Variants in ZMYM1 observed in about 807,000 individuals in gnomAD.
The protein encoded by ZMYM1 is zinc finger MYM-type containing 1.
Under a neutral mutation model 60.0 loss-of-function variants are expected in ZMYM1, and 39 were observed. The observed-to-expected ratio is 0.65, with a 90% confidence interval of 0.50 to 0.85. The LOEUF is 0.85. Among genes scored for constraint, ZMYM1 ranks in the 40% least tolerant of loss-of-function variants. The pLI, the probability that ZMYM1 is intolerant of heterozygous loss-of-function variation, is 0.00. For missense variants in ZMYM1, 1,171 were observed against 1,309.5 expected (o/e 0.89, Z 1.63); for synonymous variants, 413 against 454.0 (o/e 0.91, Z 1.15).
In ZMYM1 at chr1:35,110,346, A is replaced by T; in HGVS notation, c.860A>T (p.Asp287Val). ...CCTTGCAAACCATTGAAGCCCTCAG[A>T]TGAAATGATTGAGACTACGAGTGAT... Reference protein sequence around the residue: ...SVPCKPLKPSDEMIETTSDLG... With the variant: ...SVPCKPLKPSVEMIETTSDLG... Residue 287 changes from aspartate (D) to valine (V), a missense_variant, in exon 7 of 10, where the codon GAT becomes GTT. By Grantham distance (152) the Asp-to-Val change is radical. Transcript: ENST00000359858. 6.3e-7 allele frequency: 1 copy of T among 1,591,388 alleles called. No homozygotes were observed. Among genetic ancestry groups the T allele is most frequent in the Non-Finnish European group, 8.5e-7 (1 of 1,171,016 alleles).
chr1:35,112,002 TATATG>T, intron 8 of ZMYM1, 80 bp from the exon 9 acceptor site: 1 of 1,550,510 alleles, frequency 6.4e-7, no homozygotes, highest in East Asian at 2.3e-5. Flanking sequence ...TTTTGTTTCT[TATATG>T]AAATAAGCAA....
chr1:35,115,258 A>T lies in ZMYM1; in HGVS notation c.3428A>T (p.Ter1143LeuextTer5). ...TTTATCAGTCAGATGAAAGAAATAT[A>T]ATACATGCTCATTTGAACTTACCTA... ...EKFISQMKEI[*>L] is the part of the protein sequence containing the mutation. The change falls in exon 10 of 10, where the codon TAA (stop) becomes TTA (leucine). Residue 1143 changes from the stop codon to leucine (L), a stop_lost. Transcript: ENST00000359858. 2 of 1,572,246 alleles carry T rather than the reference A, an allele frequency of 1.3e-6. No homozygotes were observed. The highest frequency in any genetic ancestry group is 1.7e-6 in the Non-Finnish European group (2 of 1,165,474).
chr1:35,064,686 C>CTTTTTTTTT (rs34080777), intron 1 of ZMYM1, among the ~76,000 whole-genome samples: 1 of 113,004 alleles, frequency 8.8e-6, no homozygotes, highest in Non-Finnish European at 1.7e-5. Context: ...CAATATATTT[C>CTTTTTTTTT]TTTTTTTTTT....
Position 35,097,560 on chromosome 1 carries a change from G to T in ZMYM1, c.413G>T (p.Cys138Phe). Reference protein sequence around the residue: ...PVPSKRTCSNCSKDILNPKDV... With the variant: ...PVPSKRTCSNFSKDILNPKDV... ...CCTTCTAAGAGAACTTGTTCAAACT[G>T]CTCAAAGTATATAATTCTAAATTAT... is the stretch of plus-strand genomic sequence containing the variant. The change falls in exon 4 of 10, where the codon TGC (cysteine) becomes TTC (phenylalanine). Residue 138 changes from cysteine to phenylalanine, a missense_variant. Cys to Phe is a radical substitution (Grantham distance 205). Transcript: ENST00000359858. 1 of 1,614,102 alleles carries T rather than the reference G, an allele frequency of 6.2e-7. No individual in the cohort carries two copies. Among genetic ancestry groups the T allele is most frequent in the Non-Finnish European group, 8.5e-7 (1 of 1,179,950 alleles).
chr1:35,069,860 G>A (rs974746459), intron 1 of ZMYM1, among the ~76,000 whole-genome samples: 2 of 152,096 alleles, frequency 1.3e-5, no homozygotes, highest in African/African-American at 2.4e-5. Context: ...TACCCAATGT[G>A]TGCTCTTGGC....
intron 6 of ZMYM1, among the ~76,000 whole-genome samples, chr1:35,106,952 C>T (rs927627356): frequency 2.0e-5 from 3 of 151,542 alleles, no homozygotes; most frequent in Non-Finnish European, 4.4e-5. Flanking sequence ...CGCGGGTTCA[C>T]GCCATTCTCG....
At chr1:35,061,818 A>T (rs1332910221) in intron 1 of ZMYM1, among the ~76,000 whole-genome samples, 6 of 128,622 alleles carry the variant, frequency 4.7e-5, no homozygotes, top group South Asian at 2.2e-4. Context: ...TTTCCCTTTT[A>T]TTTTTATTTA....
At chr1:35,077,638 G>A (rs1158757103), upstream of ZMYM1, among the ~76,000 whole-genome samples, 1 of 151,998 alleles carries the variant, frequency 6.6e-6, no homozygotes, top group East Asian at 1.9e-4. Flanking sequence ...ATCTGATCTT[G>A]TGGCCCCCAC....
chr1:35,095,516 AC>A (rs1425733873), intron 2 of ZMYM1, among the ~76,000 whole-genome samples: 11 of 151,362 alleles, frequency 7.3e-5, no homozygotes, highest in African/African-American at 2.7e-4. Flanking sequence ...AAAAAAAAAA[AC>A]AAGTAGGGAA....
rs188638449 is a variant in ZMYM1 at position 35,083,427 on chromosome 1, C to T, written c.-75+3985C>T. On this transcript the variant is annotated intron_variant, in intron 1 of 9. Coordinates refer to ENST00000359858, the MANE Select transcript of ZMYM1 (RefSeq NM_024772.5). ...TCTACCTCCCGACATGTTCAAATTG[C>T]AAGTGTGAATCACCACACCCAACCT... Among the ~76,000 whole-genome samples, 215 of 152,210 alleles carry T rather than the reference C, an allele frequency of 1.4e-3. 1 individual carries two copies. Among genetic ancestry groups the T allele is most frequent in the Non-Finnish European group, 1.8e-4 (12 of 68,006 alleles).
At chr1:35,094,609 C>T (rs1402080913) in intron 2 of ZMYM1, among the ~76,000 whole-genome samples, 1 of 152,146 alleles carries the variant, frequency 6.6e-6, no homozygotes, top group Admixed American at 6.5e-5. Context: ...AATCCCAGAA[C>T]TTTGGGAGGC....
rs188636064 is a variant in ZMYM1, at chr1:35,103,433, A to G, written c.420-862A>G. ...CTTTTTGTGTCTGGTTCTTTCCCTT[A>G]GCATAATATTTTCAAGGTTTGTCCA... is the stretch of plus-strand genomic sequence containing the variant. On this transcript the variant is annotated intron_variant, in intron 4 of 9. Coordinates refer to ENST00000359858, the MANE Select transcript of ZMYM1 (RefSeq NM_024772.5). Among the ~76,000 whole-genome samples the G allele has an allele frequency of 2.7e-4, 41 of 152,246 alleles. No individual in the cohort carries two copies. The East Asian group carries it at 6.9e-3, about 26-fold the overall frequency.
intron 1 of ZMYM1, among the ~76,000 whole-genome samples, chr1:35,082,222 G>A (rs1642423293): frequency 6.7e-6 from 1 of 149,352 alleles, no homozygotes; most frequent in South Asian, 2.1e-4. Context: ...CTATAATTCT[G>A]CTGAATTCAC....
In ZMYM1 at chr1:35,092,177, C is replaced by T. The variant is rs184584500; in HGVS notation, c.-74-1737C>T. ...CTCACCTCAGGTGATCTACCTGCCT[C>T]GGCCTCCCAAAGTGCTGGGATTACA... On this transcript the variant is annotated intron_variant, in intron 1 of 9. Coordinates refer to ENST00000359858, the MANE Select transcript of ZMYM1 (RefSeq NM_024772.5). Among the ~76,000 whole-genome samples, 655 of 152,000 alleles carry T rather than the reference C, an allele frequency of 4.3e-3. 1 individual carries two copies. The highest frequency in any genetic ancestry group is 8.1e-3 in the South Asian group (39 of 4,808).
At chr1:35,088,058 T>C (rs1642752943) in intron 1 of ZMYM1, among the ~76,000 whole-genome samples, 1 of 151,696 alleles carries the variant, frequency 6.6e-6, no homozygotes, top group Non-Finnish European at 1.5e-5. Flanking sequence ...AGATTCCATC[T>C]CAAGAAAAAA....
chr1:35,097,110 C>A (rs1184301643), intron 3 of ZMYM1, among the ~76,000 whole-genome samples: 1 of 152,134 alleles, frequency 6.6e-6, no homozygotes, highest in African/African-American at 2.4e-5. Context: ...AGGCGTGAGC[C>A]ACCGCACCAG....
chr1:35,113,008 A>T lies in ZMYM1; in HGVS notation c.1178A>T (p.Asn393Ile). 6.2e-7 allele frequency: 1 copy of T among 1,601,372 alleles called. No individual in the cohort carries two copies. The highest frequency in any genetic ancestry group is 8.5e-7 in the Non-Finnish European group (1 of 1,175,456). Residue 393 changes from asparagine (N) to isoleucine (I), a missense_variant, in exon 10 of 10, where the codon AAT (asparagine) becomes ATT (isoleucine). Coordinates refer to ENST00000359858, the MANE Select transcript of ZMYM1 (RefSeq NM_024772.5). Reference sequence around the variant, plus strand: ...AAGAGTTCACCTAGTGAACCCAGTAATGCTGTTGCTAGTAGTAGTACGGAA... The same window carrying T: ...AAGAGTTCACCTAGTGAACCCAGTATTGCTGTTGCTAGTAGTAGTACGGAA... ...LSKSSPSEPSNAVASSSTEQP... is the reference protein window; with the variant it reads ...LSKSSPSEPSIAVASSSTEQP...
chr1:35,112,101 G>C lies in ZMYM1; in HGVS notation c.1117G>C (p.Val373Leu). Residue 373 changes from valine to leucine, a missense_variant, in exon 9 of 10, where the codon GTA becomes CTA. Transcript: ENST00000359858. ...TDVLQDTVSS[V>L]TATADVIVDL... The stretch of plus-strand genomic sequence containing the variant: ...TATTTTAACAGATACAGTTTCTTCA[G>C]TAACAGCAACAGCAGATGTCATTGT... 6.2e-7 allele frequency: 1 copy of C among 1,613,330 alleles called. No individual in the cohort carries two copies. Among genetic ancestry groups the C allele is most frequent in the Non-Finnish European group, 8.5e-7 (1 of 1,179,648 alleles).
Position 35,085,526 on chromosome 1 carries a change from C to T in ZMYM1, c.-75+6084C>T, listed in dbSNP as rs548258205. Among the ~76,000 whole-genome samples the T allele has an allele frequency of 5.2e-4, 79 of 152,260 alleles. 1 individual carries two copies. The South Asian group carries it at 0.015, about 28-fold the overall frequency. The stretch of plus-strand genomic sequence containing the variant: ...TTGCCTTGACATCTGTCTCCCTTTC[C>T]CTCTGGCCCAAAGAGGAGGATAGTG... On this transcript the variant is annotated intron_variant, in intron 1 of 9. Transcript: ENST00000359858.
Sources: gnomAD v4.1 joint callset for allele counts (sites outside exome capture counted in the v4.1 genomes callset) on GRCh38, gnomAD v4.1.1 for gene constraint, MANE v1.5 for transcripts, NCBI Gene and HGNC (gene_info 2026-07-23, HGNC 2026-07-21) for gene names.